ASB9: variants seen among roughly 807,000 people sequenced by gnomAD.
The protein encoded by ASB9 is ankyrin repeat and SOCS box protein 9.
A neutral mutation model predicts 16.6 loss-of-function variants in ASB9; 5 were observed. That is an observed-to-expected ratio of 0.30 (90% CI 0.16 to 0.63). The LOEUF (loss-of-function observed/expected upper bound fraction) is 0.63. Among genes scored for constraint, ASB9 ranks in the 30% least tolerant of loss-of-function variants. The pLI is 0.82. For missense variants in ASB9, 216 were observed against 229.4 expected (o/e 0.94, Z 0.38); for synonymous variants, 100 against 86.4 (o/e 1.16, Z -0.87).
chrX:15,263,580 CCT>C (rs1926146485), intron 1 of ASB9, among the ~76,000 whole-genome samples: 1 of 66,435 alleles, frequency 1.5e-5, no homozygotes, highest in Admixed American at 1.7e-4. Flanking sequence ...TTCCTGTCTC[CCT>C]CTCTCTTCTC....
intron 2 of ASB9, 25 bp from the exon 3 acceptor site, chrX:15,254,869 T>C (rs1245668583): frequency 1.7e-6 from 2 of 1,157,463 alleles, no homozygotes; most frequent in Admixed American, 4.4e-5. Flanking sequence ...ACAGTCAGAG[T>C]AAGGGGTGCA....
intron 1 of ASB9, among the ~76,000 whole-genome samples, chrX:15,265,429 C>T (rs765715302): frequency 9.8e-5 from 11 of 112,061 alleles, no homozygotes; most frequent in African/African-American, 2.6e-4. Context: ...AAGCAACATA[C>T]GCTGATTTAT....
intron 1 of ASB9, among the ~76,000 whole-genome samples, chrX:15,262,600 A>G (rs1324372622): frequency 8.9e-6 from 1 of 112,827 alleles, no homozygotes; most frequent in Non-Finnish European, 1.9e-5. Context: ...CAGTAGTGAC[A>G]ATTAATAATT....
At chrX:15,266,562 T>C (rs1926408304) in intron 1 of ASB9, among the ~76,000 whole-genome samples, 1 of 111,992 alleles carries the variant, frequency 8.9e-6, no homozygotes, top group Admixed American at 9.5e-5. Context: ...AAAAACTTGT[T>C]GACTTTACAA....
rs1174672167 is a variant in ASB9 at position 15,244,006 on chromosome X, T to C, written c.*500A>G. On this transcript the variant is annotated 3_prime_UTR_variant, in exon 7 of 7. Transcript: ENST00000380488. ...AACAAATTAGACAAGCCAAGAAATA[T>C]GTTTCTTTATTTTCATTCCCATATA... is the stretch of plus-strand genomic sequence containing the variant. The C allele has an allele frequency of 8.8e-6, 1 of 113,855 alleles. No individual in the cohort carries two copies. The highest frequency in any genetic ancestry group is 2.8e-4 in the East Asian group (1 of 3,613). 9.4% of individuals were successfully genotyped at this position (113,855 alleles called of 1,213,427 possible). A position where few individuals can be genotyped will look rare whatever the true frequency, so the allele number is the denominator to read the frequency against.
chrX:15,267,748 A>C (rs1926639102), intron 1 of ASB9, among the ~76,000 whole-genome samples: 1 of 54,225 alleles, frequency 1.8e-5, no homozygotes, highest in Non-Finnish European at 3.3e-5. Flanking sequence ...CACTTCAAAA[A>C]AAACAAAAAA....
rs76177108 is a variant in ASB9 at position 15,267,752 on chromosome X, CAAA to C, written c.94+2026_94+2028del. On this transcript the variant is annotated intron_variant, in intron 1 of 6. Transcript: ENST00000380488. ...GAGTGAAACTCCACTTCAAAAAAAA[CAAA>C]AAAAAAAAAAAAAAAAGAAATTCTT... Among the ~76,000 whole-genome samples, 82 of 83,605 alleles carry C rather than the reference CAAA, an allele frequency of 9.8e-4. 1 individual carries two copies. The highest frequency in any genetic ancestry group is 2.5e-3 in the African/African-American group (57 of 22,833). The allele number at this position is 83,605 out of a possible 115,157, so 72.6% of individuals were successfully genotyped here. A position where few individuals can be genotyped will look rare whatever the true frequency, so the allele number is the denominator to read the frequency against.
intron 6 of ASB9, among the ~76,000 whole-genome samples, chrX:15,245,046 A>G (rs776687065): frequency 8.9e-6 from 1 of 112,370 alleles, no homozygotes; most frequent in South Asian, 3.7e-4. Context: ...AAATTAAGGT[A>G]CTCAAAAATA....
rs1277302372 is a variant in ASB9 at position 15,267,397 on chromosome X, G to A, written c.94+2384C>T. ...CTGCACTCCAGCCTGGTAACAGAGC[G>A]AGACTCCATCTAAAAAAAAAATATA... On this transcript the variant is annotated intron_variant, in intron 1 of 6. Transcript: ENST00000380488. Among the ~76,000 whole-genome samples, 19 of 87,021 alleles carry A rather than the reference G, an allele frequency of 2.2e-4. No individual in the cohort carries two copies. In the South Asian group the frequency reaches 9.2e-3, roughly 42 times the overall value. 75.6% of individuals were successfully genotyped at this position (87,021 alleles called of 115,157 possible).
Position 15,244,661 on chromosome X carries a change from A to G in ASB9, c.761-31T>C, listed in dbSNP as rs751268734. On this transcript the variant is annotated intron_variant, in intron 6 of 6. Transcript: ENST00000380488. ...GAAAGATCATAAGACAAGTCATACA[A>G]TGGTGCTATTGATCTAAGACTCCTT... is the stretch of plus-strand genomic sequence containing the variant. 4.3e-6 allele frequency: 5 copies of G among 1,158,269 alleles called. No homozygotes were observed. In the Admixed American group the frequency reaches 7.5e-5, roughly 17 times the overall value.
intron 1 of ASB9, among the ~76,000 whole-genome samples, chrX:15,259,716 A>C (rs1268780998): frequency 1.8e-5 from 2 of 112,354 alleles, no homozygotes; most frequent in Non-Finnish European, 3.8e-5. Context: ...AATGCTCCAA[A>C]ATCCAAAGCT....
At chrX:15,265,658 C>CA (rs1926323999) in intron 1 of ASB9, among the ~76,000 whole-genome samples, 1 of 109,056 alleles carries the variant, frequency 9.2e-6, no homozygotes, top group Non-Finnish European at 1.9e-5. Context: ...TTTTTTGAGA[C>CA]AGAGTCTCGC....
intron 5 of ASB9, 25 bp from the exon 6 acceptor site, chrX:15,248,960 G>C (rs773659659): frequency 1.8e-6 from 2 of 1,133,269 alleles, no homozygotes; most frequent in South Asian, 4.6e-5. Flanking sequence ...GAACAAAAAA[G>C]AGTCAGCAAG....
chrX:15,263,284 T>A (rs1242949869), intron 1 of ASB9, among the ~76,000 whole-genome samples: 1 of 111,116 alleles, frequency 9.0e-6, no homozygotes, highest in Non-Finnish European at 1.9e-5. Context: ...AGTATTTGCC[T>A]TCAGTCTTCA....
chrX:15,268,183 T>C (rs1369041230), intron 1 of ASB9, among the ~76,000 whole-genome samples: 1 of 108,366 alleles, frequency 9.2e-6, no homozygotes, highest in Non-Finnish European at 1.9e-5. Flanking sequence ...AATACAAAAA[T>C]TAGCCGGGTG....
At chrX:15,259,629 T>C (rs371652466) in intron 1 of ASB9, among the ~76,000 whole-genome samples, 127 of 112,302 alleles carry the variant, frequency 1.1e-3, no homozygotes, top group African/African-American at 3.3e-3. Context: ...TTTCCTTCTC[T>C]GTAAAGTTAC....
chrX:15,256,355 T>TCGC (rs1322417202), intron 2 of ASB9, among the ~76,000 whole-genome samples: 1 of 92,120 alleles, frequency 1.1e-5, no homozygotes, highest in Non-Finnish European at 2.1e-5. Flanking sequence ...TCTTGCTCTG[T>TCGC]CGCCGAGGCT....
At chrX:15,254,663 G>T in intron 3 of ASB9, 74 bp downstream of exon 3, 1 of 785,423 alleles carries the variant, frequency 1.3e-6, no homozygotes, top group Non-Finnish European at 1.9e-6. Context: ...AAAAGTGCTG[G>T]AAGTTATTCA....
intron 1 of ASB9, among the ~76,000 whole-genome samples, chrX:15,269,163 C>T (rs1295375660): frequency 1.8e-5 from 2 of 111,827 alleles, no homozygotes; most frequent in Non-Finnish European, 3.8e-5. Flanking sequence ...TTATAAGAAC[C>T]TGTGTGCAAA....
Sources: allele counts gnomAD v4.1 joint callset (sites outside exome capture counted in the v4.1 genomes callset), GRCh38; gene constraint gnomAD v4.1.1; transcripts MANE v1.5; gene names NCBI Gene and HGNC (gene_info 2026-07-23, HGNC 2026-07-21).